The following RBFOX1 variants were observed in gnomAD, a reference collection of about 807,000 sequenced individuals.
The protein encoded by RBFOX1 is RNA binding fox-1 homolog 1, also known as RNA binding protein fox-1 homolog 1.
RBFOX1 carries 8 observed loss-of-function variants against 57.7 expected under a neutral mutation model. The observed-to-expected ratio is 0.14, with a 90% confidence interval of 0.08 to 0.25. The LOEUF is 0.25. Ranked by LOEUF, RBFOX1 falls within the 10% of genes least tolerant of loss-of-function variation. The pLI is 1.00. For synonymous variants in RBFOX1, 326 were observed against 222.4 expected (o/e 1.47, Z -4.15); for missense variants, 611 against 548.5 (o/e 1.11, Z -1.14).
At chr16:5,484,995 G>C (rs1033293140) in intron 2 of RBFOX1, among the ~76,000 whole-genome samples, 1 of 151,908 alleles carries the variant, frequency 6.6e-6, no homozygotes, top group African/African-American at 2.4e-5. Context: ...GGAGTTTGAA[G>C]CTTCCGTGAG....
intron 4 of RBFOX1, among the ~76,000 whole-genome samples, chr16:7,317,765 C>A (rs2096470915): frequency 6.6e-6 from 1 of 152,178 alleles, no homozygotes; most frequent in South Asian, 2.1e-4. Flanking sequence ...TTATGGGCCT[C>A]CAACTAGCTC....
chr16:6,446,092 G>T (rs997472584), intron 2 of RBFOX1, among the ~76,000 whole-genome samples: 1 of 152,080 alleles, frequency 6.6e-6, no homozygotes, highest in Admixed American at 6.6e-5. Context: ...AACCTCTCAA[G>T]TAGCCAGGAA....
chr16:7,304,699 C>A (rs559284006), intron 4 of RBFOX1, among the ~76,000 whole-genome samples: 1 of 152,154 alleles, frequency 6.6e-6, no homozygotes, highest in Non-Finnish European at 1.5e-5. Context: ...ACTTTAAAAC[C>A]GCCTGATGCC....
chr16:7,029,945 A>G (rs1318033651), intron 3 of RBFOX1, among the ~76,000 whole-genome samples: 2 of 152,218 alleles, frequency 1.3e-5, no homozygotes, highest in Non-Finnish European at 2.9e-5. Flanking sequence ...AATGGGGTAG[A>G]CACATGATGT....
intron 2 of RBFOX1, among the ~76,000 whole-genome samples, chr16:6,428,285 CAAA>C (rs755273285): frequency 3.9e-5 from 2 of 51,224 alleles, no homozygotes. Flanking sequence ...GACCTTGTCT[CAAA>C]AAAAAAAAAA....
At chr16:7,117,226 GAC>G (rs1166753766) in intron 4 of RBFOX1, among the ~76,000 whole-genome samples, 1 of 152,144 alleles carries the variant, frequency 6.6e-6, no homozygotes, top group South Asian at 2.1e-4. Flanking sequence ...CAAGGGCATT[GAC>G]ACATGTTAAA....
intron 2 of RBFOX1, among the ~76,000 whole-genome samples, chr16:6,643,269 C>T (rs1395987120): frequency 1.3e-5 from 2 of 152,158 alleles, no homozygotes; most frequent in Non-Finnish European, 2.9e-5. Context: ...AAGTTATTTG[C>T]TCCCATCTGC....
At chr16:6,972,842 G>T (rs1207103697) in intron 3 of RBFOX1, among the ~76,000 whole-genome samples, 1 of 152,106 alleles carries the variant, frequency 6.6e-6, no homozygotes, top group Non-Finnish European at 1.5e-5. Flanking sequence ...AGAGACAAGG[G>T]GCCGGATGCA....
intron 3 of RBFOX1, among the ~76,000 whole-genome samples, chr16:5,652,936 C>G (rs1280964983): frequency 6.6e-6 from 1 of 152,252 alleles, no homozygotes; most frequent in Non-Finnish European, 1.5e-5. Flanking sequence ...TTTCTCATAT[C>G]AGGGGTGACT....
intron 4 of RBFOX1, among the ~76,000 whole-genome samples, chr16:7,227,347 C>A (rs938661189): frequency 7.5e-6 from 1 of 132,992 alleles, no homozygotes; most frequent in African/African-American, 2.6e-5. Flanking sequence ...TCTTTTCTTT[C>A]CCTGCCCCCT....
rs2047271937 is a variant in RBFOX1, at chr16:5,598,833, C to G, written c.259-69C>G. The stretch of plus-strand genomic sequence containing the variant: ...CTGGGTTGTGCTAAACTGGGTTACT[C>G]AAGGTTAGAATTTTTTTCCTCAACC... On this transcript the variant is annotated intron_variant, in intron 2 of 2. Transcript: ENST00000585867. 6 of 1,246,532 alleles carry G rather than the reference C, an allele frequency of 4.8e-6. 1 individual carries two copies. Among genetic ancestry groups the G allele is most frequent in the South Asian group, 3.1e-5 (2 of 64,068 alleles). The allele number at this position is 1,246,532 out of a possible 1,614,324, so 77.2% of individuals were successfully genotyped here.
intron 3 of RBFOX1, among the ~76,000 whole-genome samples, chr16:6,881,537 CTG>C (rs1414075273): frequency 9.9e-5 from 15 of 152,272 alleles, no homozygotes; most frequent in African/African-American, 3.6e-4. Context: ...CTATGCATGT[CTG>C]TGTCCAAACA....
chr16:5,758,251 G>A (rs986829409), intron 3 of RBFOX1, among the ~76,000 whole-genome samples: 2 of 152,118 alleles, frequency 1.3e-5, no homozygotes, highest in Non-Finnish European at 2.9e-5. Context: ...CTTCATGGGG[G>A]GAAAAAGTTG....
chr16:6,072,230 C>T (rs1241224805), intron 1 of RBFOX1, among the ~76,000 whole-genome samples: 1 of 151,402 alleles, frequency 6.6e-6, no homozygotes, highest in Admixed American at 6.6e-5. Context: ...GTAAAACCCA[C>T]CCCCCCATGA....
At chr16:7,063,347 A>G (rs993486797) in intron 4 of RBFOX1, among the ~76,000 whole-genome samples, 5 of 152,088 alleles carry the variant, frequency 3.3e-5, no homozygotes, top group Non-Finnish European at 7.4e-5. Context: ...GATCTGTATC[A>G]GTATCAAAGA....
intron 4 of RBFOX1, among the ~76,000 whole-genome samples, chr16:7,243,101 G>C (rs1030426916): frequency 1.3e-5 from 2 of 151,882 alleles, no homozygotes; most frequent in South Asian, 4.2e-4. Flanking sequence ...GAACGTTTTA[G>C]GAATATCAAT....
At chr16:6,857,493 C>G (rs75005193) in intron 3 of RBFOX1, among the ~76,000 whole-genome samples, 1 of 152,178 alleles carries the variant, frequency 6.6e-6, no homozygotes, top group South Asian at 2.1e-4. Flanking sequence ...ACTCATTGGG[C>G]ATAACCAGCA....
chr16:6,265,555 C>T (rs1250029704), intron 1 of RBFOX1, among the ~76,000 whole-genome samples: 2 of 152,224 alleles, frequency 1.3e-5, no homozygotes, highest in East Asian at 3.9e-4. Context: ...AGCCACTGTG[C>T]CCGGCCAGTT....
intron 4 of RBFOX1, among the ~76,000 whole-genome samples, chr16:5,921,561 T>C (rs1009177394): frequency 2.6e-5 from 4 of 152,054 alleles, no homozygotes; most frequent in African/African-American, 7.2e-5. Flanking sequence ...CTATTGATAA[T>C]AGCAACTATT....
Sources: allele counts gnomAD v4.1 joint callset (sites outside exome capture counted in the v4.1 genomes callset), GRCh38; gene constraint gnomAD v4.1.1; transcripts MANE v1.5; gene names NCBI Gene and HGNC (gene_info 2026-07-23, HGNC 2026-07-21).